DMD: variants seen among roughly 807,000 people sequenced by gnomAD.
DMD encodes mutant dystrophin.
In DMD, 63 loss-of-function variants were observed where a neutral mutation model predicts 330.1. The ratio of observed to expected loss-of-function variants is 0.19; its 90% CI spans 0.16 to 0.24. DMD has a LOEUF of 0.24. Among genes scored for constraint, DMD ranks in the 10% least tolerant of loss-of-function variants. The pLI is 1.00. For synonymous variants in DMD, 1,223 were observed against 959.8 expected (o/e 1.27, Z -5.07); for missense variants, 3,344 against 2,684.1 (o/e 1.25, Z -5.43).
At chrX:31,892,649 A>G (rs2094273102) in intron 47 of DMD, among the ~76,000 whole-genome samples, 1 of 111,747 alleles carries the variant, frequency 8.9e-6, no homozygotes, top group Non-Finnish European at 1.9e-5. Flanking sequence ...ATATAGCCTA[A>G]TGCTCCTGGG....
intron 44 of DMD, among the ~76,000 whole-genome samples, chrX:32,135,020 T>A (rs1353536445): frequency 8.9e-6 from 1 of 112,041 alleles, no homozygotes; most frequent in African/African-American, 3.2e-5. Context: ...ACAATGGGAA[T>A]ATACTCTACC....
intron 25 of DMD, among the ~76,000 whole-genome samples, chrX:32,456,332 T>A (rs1258343383): frequency 1.8e-5 from 2 of 111,251 alleles, no homozygotes; most frequent in Non-Finnish European, 3.8e-5. Context: ...ACAATATGTC[T>A]TGCAATTGTA....
At chrX:33,079,847 A>C (rs1460700895) in intron 1 of DMD, among the ~76,000 whole-genome samples, 1 of 111,709 alleles carries the variant, frequency 9.0e-6, no homozygotes, top group Non-Finnish European at 1.9e-5. Flanking sequence ...TTAGCTTTCC[A>C]AACAAGACCC....
At chrX:31,772,924 A>G (rs1216764764) in intron 51 of DMD, among the ~76,000 whole-genome samples, 2 of 112,204 alleles carry the variant, frequency 1.8e-5, no homozygotes, top group Non-Finnish European at 3.8e-5. Context: ...ACGAAGATCC[A>G]GAGATGGCTT....
chrX:32,585,798 A>G (rs1352470930), intron 13 of DMD, among the ~76,000 whole-genome samples: 2 of 105,957 alleles, frequency 1.9e-5, no homozygotes, highest in Non-Finnish European at 3.9e-5. Flanking sequence ...TATTATGATC[A>G]CTGTTATCTT....
chrX:32,322,440 G>A (rs2097622499), intron 41 of DMD, among the ~76,000 whole-genome samples: 1 of 110,714 alleles, frequency 9.0e-6, no homozygotes, highest in Admixed American at 9.7e-5. Flanking sequence ...CTGATGGCCT[G>A]TAGTCCCAGC....
chrX:32,256,863 G>A (rs1020694917), intron 43 of DMD, among the ~76,000 whole-genome samples: 1 of 111,560 alleles, frequency 9.0e-6, no homozygotes, highest in African/African-American at 3.3e-5. Context: ...TAGCTTGTAG[G>A]GTTTCTGCAG....
At chrX:31,168,393 A>G (rs1476144998) in intron 74 of DMD, among the ~76,000 whole-genome samples, 1 of 111,141 alleles carries the variant, frequency 9.0e-6, no homozygotes, top group East Asian at 2.8e-4. Flanking sequence ...TGGAGGATTT[A>G]TTGCAAGGGT....
intron 16 of DMD, among the ~76,000 whole-genome samples, chrX:32,545,627 A>G (rs1312587428): frequency 9.0e-6 from 1 of 111,464 alleles, no homozygotes; most frequent in Non-Finnish European, 1.9e-5. Context: ...AAAAATGTAG[A>G]GTATAATTCA....
intron 44 of DMD, among the ~76,000 whole-genome samples, chrX:32,136,257 T>C (rs903196197): frequency 3.6e-5 from 4 of 112,579 alleles, no homozygotes; most frequent in Non-Finnish European, 7.5e-5. Flanking sequence ...GTTTGATCCA[T>C]TGACATTCTA....
In DMD at chrX:33,134,031, C is replaced by T. The variant is rs148350502; in HGVS notation, c.31+77251G>A. 1.4e-3 allele frequency among the ~76,000 whole-genome samples: 154 copies of T among 111,461 alleles called. 2 individuals carry two copies. The East Asian group carries it at 0.039, about 28-fold the overall frequency. ...AGTGTTAATTTTTGCACCTGATGAC[C>T]AAAAATCATTTTAGAATTTGATATA... On this transcript the variant is annotated intron_variant, in intron 1 of 78. Transcript: ENST00000357033.
chrX:33,203,054 G>T (rs1460539836), intron 1 of DMD, among the ~76,000 whole-genome samples: 2 of 111,174 alleles, frequency 1.8e-5, no homozygotes, highest in Non-Finnish European at 3.8e-5. Context: ...TGTGATTCTG[G>T]CTTTATTTAA....
chrX:33,256,272 G>C (rs1443334377), intron 1 of DMD, among the ~76,000 whole-genome samples: 1 of 110,425 alleles, frequency 9.1e-6, no homozygotes, highest in Non-Finnish European at 1.9e-5. Flanking sequence ...AAATATATTA[G>C]GGACAATTTC....
rs544925932 is a variant in DMD at position 32,907,133 on chromosome X, G to C, written c.94-57313C>G. Among the ~76,000 whole-genome samples the C allele has an allele frequency of 1.3e-4, 14 of 111,843 alleles. No homozygotes were observed. The South Asian group carries it at 4.9e-3, about 39-fold the overall frequency. On this transcript the variant is annotated intron_variant, in intron 2 of 78. Coordinates refer to ENST00000357033, the MANE Select transcript of DMD (RefSeq NM_004006.3). ...GAGTATTATTGGCCTTATAATGCAAGCTTCACTTAACTTTACAATTGTGGA... is the reference window on the plus strand; with the variant it reads ...GAGTATTATTGGCCTTATAATGCAACCTTCACTTAACTTTACAATTGTGGA...
chrX:32,412,491 ATTGT>A (rs1296062946), intron 29 of DMD, among the ~76,000 whole-genome samples: 3 of 112,293 alleles, frequency 2.7e-5, no homozygotes, highest in South Asian at 3.7e-4. Flanking sequence ...GATTACAGAA[ATTGT>A]TTGTACAATT....
rs1286475567 is a variant in DMD, at chrX:33,159,701, T to G, written c.31+51581A>C. ...AGTCTATCACTGATGGGCATTTGGG[T>G]TGGTTCTAAGTCTTTGCTCTTGGGA... On this transcript the variant is annotated intron_variant, in intron 1 of 78. Transcript: ENST00000357033. The G allele has an allele frequency of 7.2e-5, 8 of 111,529 alleles. 1 individual carries two copies. Among genetic ancestry groups the G allele is most frequent in the African/African-American group, 2.6e-4 (8 of 30,619 alleles). 9.2% of individuals were successfully genotyped at this position (111,529 alleles called of 1,213,427 possible). A position where few individuals can be genotyped will look rare whatever the true frequency, so the allele number is the denominator to read the frequency against.
chrX:32,639,209 GCT>G (rs936418245), intron 11 of DMD, among the ~76,000 whole-genome samples: 1 of 111,322 alleles, frequency 9.0e-6, no homozygotes, highest in African/African-American at 3.3e-5. Flanking sequence ...AATCTTTTTT[GCT>G]CTCTGCAGGT....
Position 32,971,835 on chromosome X carries a change from A to C in DMD, c.93+48304T>G, listed in dbSNP as rs151079076. Reference sequence around the variant, plus strand: ...GAATTCTTGAATTTGACTGAATAGAAAGTGGTGGCCAAGAATATTAAATCT... The same window carrying C: ...GAATTCTTGAATTTGACTGAATAGACAGTGGTGGCCAAGAATATTAAATCT... On this transcript the variant is annotated intron_variant, in intron 2 of 78. Coordinates refer to ENST00000357033, the MANE Select transcript of DMD (RefSeq NM_004006.3). Among the ~76,000 whole-genome samples the C allele has an allele frequency of 3.6e-3, 397 of 111,202 alleles. 3 individuals are homozygous for C. Among genetic ancestry groups the C allele is most frequent in the African/African-American group, 0.012 (375 of 30,600 alleles).
intron 50 of DMD, among the ~76,000 whole-genome samples, chrX:31,802,499 C>G (rs2092115770): frequency 9.0e-6 from 1 of 111,189 alleles, no homozygotes; most frequent in East Asian, 2.8e-4. Context: ...CAGGGGTATG[C>G]AGGATAAATC....
Sources: allele counts gnomAD v4.1 joint callset (sites outside exome capture counted in the v4.1 genomes callset), GRCh38; gene constraint gnomAD v4.1.1; transcripts MANE v1.5; gene names NCBI Gene and HGNC (gene_info 2026-07-23, HGNC 2026-07-21).